The following CLVS1 variants were observed in gnomAD, a reference collection of about 807,000 sequenced individuals.
CLVS1 encodes the protein clavesin-1.
CLVS1 carries 10 observed loss-of-function variants against 33.1 expected under a neutral mutation model. The observed-to-expected ratio is 0.30, with a 90% CI of 0.19 to 0.51. The LOEUF is 0.51. CLVS1 is among the 20% of genes least tolerant of loss of function. CLVS1 has a pLI of 0.97. For missense variants in CLVS1, 343 were observed against 433.4 expected (o/e 0.79, Z 1.85); for synonymous variants, 163 against 166.1 (o/e 0.98, Z 0.14).
intron 3 of CLVS1, among the ~76,000 whole-genome samples, chr8:61,429,588 G>A (rs1220751827): frequency 4.6e-5 from 7 of 152,148 alleles, no homozygotes; most frequent in South Asian, 2.1e-4. Flanking sequence ...TCTCAATGTC[G>A]TTGTATTGGG....
intron 3 of CLVS1, among the ~76,000 whole-genome samples, chr8:61,410,402 G>T (rs1815174420): frequency 6.6e-6 from 1 of 151,890 alleles, no homozygotes; most frequent in Admixed American, 6.6e-5. Flanking sequence ...AATTATTGAG[G>T]TTTAAAAATA....
rs1233006487 is a variant in CLVS1, at chr8:61,499,554, C to T, written c.*12C>T. 4 of 1,603,822 alleles carry T rather than the reference C, an allele frequency of 2.5e-6. No individual in the cohort carries two copies. In the East Asian group the frequency reaches 6.7e-5, roughly 27 times the overall value. On this transcript the variant is annotated 3_prime_UTR_variant, in exon 6 of 6. Transcript: ENST00000325897. ...TGGCTCTGGACTGAACCCTGAGTCACCCCAATGCTCCTGCACACTGGCCTT... is the reference window on the plus strand; with the variant it reads ...TGGCTCTGGACTGAACCCTGAGTCATCCCAATGCTCCTGCACACTGGCCTT...
intron 2 of CLVS1, among the ~76,000 whole-genome samples, chr8:61,309,281 T>C (rs1302982075): frequency 6.6e-6 from 1 of 152,170 alleles, no homozygotes; most frequent in East Asian, 1.9e-4. Context: ...TTGTTACGCT[T>C]TAATGGAATG....
chr8:61,057,000 G>A (rs540386393), upstream of CLVS1, among the ~76,000 whole-genome samples: 10 of 152,268 alleles, frequency 6.6e-5, no homozygotes, highest in East Asian at 3.9e-4. Context: ...CAGACTCCAC[G>A]AAGACCCAAC....
intron 1 of CLVS1, among the ~76,000 whole-genome samples, chr8:61,293,916 G>A (rs1034793283): frequency 4.6e-5 from 7 of 152,010 alleles, no homozygotes; most frequent in African/African-American, 1.7e-4. Flanking sequence ...AAATTTATGT[G>A]TACTTAAAAA....
chr8:61,258,672 A>G (rs1809135723), intron 2 of CLVS1, among the ~76,000 whole-genome samples: 1 of 152,202 alleles, frequency 6.6e-6, no homozygotes, highest in African/African-American at 2.4e-5. Context: ...TTTCACCTAA[A>G]CCACGGAGAA....
chr8:61,163,507 C>A (rs1806791380), intron 2 of CLVS1, among the ~76,000 whole-genome samples: 1 of 152,150 alleles, frequency 6.6e-6, no homozygotes, highest in Admixed American at 6.5e-5. Context: ...CAAGCCGTTG[C>A]CTTATGTGTA....
At chr8:61,323,696 C>A (rs1811277763) in intron 2 of CLVS1, among the ~76,000 whole-genome samples, 2 of 151,662 alleles carry the variant, frequency 1.3e-5, no homozygotes, top group Admixed American at 1.3e-4. Context: ...ACAAGTGTAG[C>A]TTTGTTACAT....
rs144693230 is a variant in CLVS1, at chr8:61,079,715, T to C, written c.-243+22485T>C. Among the ~76,000 whole-genome samples the C allele has an allele frequency of 1.2e-4, 18 of 152,302 alleles. No homozygotes were observed. In the East Asian group the frequency reaches 3.3e-3, roughly 28 times the overall value. On this transcript the variant is annotated intron_variant, in intron 1 of 2. Coordinates refer to the CLVS1 transcript ENST00000522621. ...TGATGAAGGTCAGAGATTTAAAACATCTACCTCTTCAAAATTAATAGCTGC... is the reference window on the plus strand; with the variant it reads ...TGATGAAGGTCAGAGATTTAAAACACCTACCTCTTCAAAATTAATAGCTGC...
chr8:60,986,188 T>C, the CLVS1 span, among the ~76,000 whole-genome samples: 1 of 152,228 alleles, frequency 6.6e-6, no homozygotes, highest in Non-Finnish European at 1.5e-5. Context: ...GGCAGGCCAG[T>C]GTGCAGATAG....
the CLVS1 span, among the ~76,000 whole-genome samples, chr8:61,003,009 T>C: frequency 6.6e-6 from 1 of 152,320 alleles, no homozygotes; most frequent in South Asian, 2.1e-4. Context: ...AAATATGCTG[T>C]CCTCTTCCCT....
At chr8:61,382,511 C>A (rs1393092326) in intron 3 of CLVS1, among the ~76,000 whole-genome samples, 1 of 152,122 alleles carries the variant, frequency 6.6e-6, no homozygotes, top group East Asian at 1.9e-4. Context: ...AGGCCCTGCC[C>A]CAGACATACT....
At chr8:61,140,924 T>C (rs1806296746) in intron 2 of CLVS1, among the ~76,000 whole-genome samples, 1 of 152,218 alleles carries the variant, frequency 6.6e-6, no homozygotes, top group Non-Finnish European at 1.5e-5. Context: ...TGGTGACGTA[T>C]TACAGTTGTG....
At chr8:61,036,881 G>T in the CLVS1 span, among the ~76,000 whole-genome samples, 1 of 152,158 alleles carries the variant, frequency 6.6e-6, no homozygotes, top group Non-Finnish European at 1.5e-5. Flanking sequence ...CTTTCTTCTT[G>T]AGTGTTCTCC....
intron 1 of CLVS1, among the ~76,000 whole-genome samples, chr8:61,298,143 A>T (rs1335024291): frequency 6.6e-6 from 1 of 151,840 alleles, no homozygotes; most frequent in African/African-American, 2.4e-5. Flanking sequence ...AGAACTGGAG[A>T]AGGAAGACAT....
chr8:61,475,117 G>A (rs1041925922), intron 5 of CLVS1, among the ~76,000 whole-genome samples: 1 of 152,138 alleles, frequency 6.6e-6, no homozygotes, highest in Non-Finnish European at 1.5e-5. Context: ...CCCTACAAAG[G>A]ACATGAACTC....
At chr8:61,218,300 A>G (rs1396664740) in intron 2 of CLVS1, among the ~76,000 whole-genome samples, 2 of 152,038 alleles carry the variant, frequency 1.3e-5, no homozygotes, top group African/African-American at 4.8e-5. Flanking sequence ...GTGTATGTAT[A>G]CCATGGAATA....
At chr8:61,135,628 C>T (rs1343099070) in intron 2 of CLVS1, among the ~76,000 whole-genome samples, 1 of 152,198 alleles carries the variant, frequency 6.6e-6, no homozygotes, top group Non-Finnish European at 1.5e-5. Flanking sequence ...CCTGCTGAAG[C>T]CAAGACTGGA....
chr8:61,411,470 A>C (rs1815221197), intron 3 of CLVS1, among the ~76,000 whole-genome samples: 1 of 152,218 alleles, frequency 6.6e-6, no homozygotes, highest in Non-Finnish European at 1.5e-5. Context: ...AAGAGACTGC[A>C]GGAGCAGAGA....
Sources: allele counts gnomAD v4.1 joint callset (sites outside exome capture counted in the v4.1 genomes callset), GRCh38; gene constraint gnomAD v4.1.1; transcripts MANE v1.5; gene names NCBI Gene and HGNC (gene_info 2026-07-23, HGNC 2026-07-21).